SESN3: variants seen among roughly 807,000 people sequenced by gnomAD.
The protein encoded by SESN3 is sestrin 3.
In SESN3, 21 loss-of-function variants were observed where a neutral mutation model predicts 55.3. The ratio of observed to expected loss-of-function variants is 0.38; its 90% CI spans 0.27 to 0.55. SESN3 has a LOEUF of 0.55. Ranked by LOEUF, SESN3 falls within the 20% of genes least tolerant of loss-of-function variation. SESN3 has a pLI of 0.76. For missense variants in SESN3, 408 were observed against 604.3 expected, an observed-to-expected ratio of 0.68 and a Z score of 3.41; for synonymous variants, 181 against 203.1, an observed-to-expected ratio of 0.89 and a Z score of 0.93.
In SESN3 at chr11:95,175,484, A is replaced by G; in HGVS notation, c.1392+14T>C. On this transcript the variant is annotated intron_variant, in intron 9 of 9. Coordinates refer to ENST00000536441, the MANE Select transcript of SESN3 (RefSeq NM_144665.4). The stretch of plus-strand genomic sequence containing the variant: ...AACTGTCTATGGTATAATGCTTAAT[A>G]CTGAAACACGTACTTTTTCTGAGTG... 6.2e-7 allele frequency: 1 copy of G among 1,610,308 alleles called. No individual in the cohort carries two copies. The highest frequency in any genetic ancestry group is 1.3e-5 in the African/African-American group (1 of 74,966).
chr11:95,225,277 G>C (rs186910960), intron 1 of SESN3, among the ~76,000 whole-genome samples: 1 of 152,104 alleles, frequency 6.6e-6, no homozygotes, highest in Non-Finnish European at 1.5e-5. Context: ...AAAGGGTTTT[G>C]GACCCACAGG....
chr11:95,191,907 T>C (rs1365514145), intron 2 of SESN3, among the ~76,000 whole-genome samples: 2 of 152,088 alleles, frequency 1.3e-5, no homozygotes, highest in Non-Finnish European at 1.5e-5. Flanking sequence ...TCAGGGTCCA[T>C]TTGCCTGGCC....
chr11:95,213,624 G>A (rs537994776), intron 1 of SESN3, among the ~76,000 whole-genome samples: 1 of 152,036 alleles, frequency 6.6e-6, no homozygotes, highest in Admixed American at 6.6e-5. Context: ...GTAGGAGTTG[G>A]CTGAAAAAAA....
intron 6 of SESN3, among the ~76,000 whole-genome samples, chr11:95,183,178 CAGTA>C (rs1244660719): frequency 6.6e-6 from 1 of 152,092 alleles, no homozygotes; most frequent in African/African-American, 2.4e-5. Context: ...ATCAGGTACT[CAGTA>C]AGTGTTTGCA....
chr11:95,219,561 A>T (rs1860821541), intron 1 of SESN3, among the ~76,000 whole-genome samples: 1 of 152,206 alleles, frequency 6.6e-6, no homozygotes, highest in African/African-American at 2.4e-5. Flanking sequence ...ACCTTGGTCA[A>T]TACAAAGTGA....
intron 6 of SESN3, among the ~76,000 whole-genome samples, chr11:95,181,138 T>C (rs1337412935): frequency 6.6e-6 from 1 of 152,074 alleles, no homozygotes; most frequent in African/African-American, 2.4e-5. Flanking sequence ...CACAACCAAA[T>C]GGTTTCATTT....
intron 1 of SESN3, among the ~76,000 whole-genome samples, chr11:95,221,230 G>A (rs1288670441): frequency 6.6e-6 from 1 of 152,034 alleles, no homozygotes; most frequent in Non-Finnish European, 1.5e-5. Flanking sequence ...CTTGAACCCG[G>A]GAGGCGGTGG....
chr11:95,206,061 C>T (rs939596510), intron 1 of SESN3, among the ~76,000 whole-genome samples: 1 of 152,084 alleles, frequency 6.6e-6, no homozygotes, highest in Non-Finnish European at 1.5e-5. Flanking sequence ...TTGACTCATT[C>T]AAACCCACAG....
chr11:95,170,631 G>A lies in SESN3; in HGVS notation c.*2624C>T, dbSNP rs1258128643. ...AATACCACCCTGGAAAACCGCATCA[G>A]AATTTCAAGTTTGCATTGGATAAAG... On this transcript the variant is annotated 3_prime_UTR_variant, in exon 10 of 10. Coordinates refer to ENST00000536441, the MANE Select transcript of SESN3 (RefSeq NM_144665.4). 1 of 152,126 alleles carries A rather than the reference G, an allele frequency of 6.6e-6. No homozygotes were observed. The highest frequency in any genetic ancestry group is 2.4e-5 in the African/African-American group (1 of 41,432). 9.4% of individuals were successfully genotyped at this position (152,126 alleles called of 1,614,324 possible). A position where few individuals can be genotyped will look rare whatever the true frequency, so the allele number is the denominator to read the frequency against.
rs1365852761 is a variant in SESN3, at chr11:95,230,433, A to G, written c.78+350T>C. 7.7e-6 allele frequency: 2 copies of G among 258,672 alleles called. No homozygotes were observed. The highest frequency in any genetic ancestry group is 4.3e-5 in the South Asian group (1 of 23,052). The allele number at this position is 258,672 out of a possible 1,614,324, so 16.0% of individuals were successfully genotyped here. On this transcript the variant is annotated intron_variant, in intron 1 of 9. Coordinates refer to ENST00000536441, the MANE Select transcript of SESN3 (RefSeq NM_144665.4). The surrounding 1 kb of genome is among the most constrained non-coding windows in gnomAD (Gnocchi z 4.6). ...ACCTCCATCAACAGCTAAACTGCACAGGGAGGAGGATCGAACGGATCCCTC... is the reference window on the plus strand; with the variant it reads ...ACCTCCATCAACAGCTAAACTGCACGGGGAGGAGGATCGAACGGATCCCTC...
intron 3 of SESN3, among the ~76,000 whole-genome samples, chr11:95,190,445 C>T (rs1860245555): frequency 6.6e-6 from 1 of 151,918 alleles, no homozygotes; most frequent in African/African-American, 2.4e-5. Flanking sequence ...TGACCCTTTT[C>T]TTCCTATGCA....
rs187544688 is a variant in SESN3, at chr11:95,211,057, A to G, written c.79-17535T>C. ...AGATGCTCTGACACAATTATAGTGGAAAAGAATAATAAATATCCCAGATAA... is the reference window on the plus strand; with the variant it reads ...AGATGCTCTGACACAATTATAGTGGGAAAGAATAATAAATATCCCAGATAA... On this transcript the variant is annotated intron_variant, in intron 1 of 9. Coordinates refer to ENST00000536441, the MANE Select transcript of SESN3 (RefSeq NM_144665.4). 2.9e-3 allele frequency among the ~76,000 whole-genome samples: 442 copies of G among 152,348 alleles called. 4 individuals are homozygous for G. Among genetic ancestry groups the G allele is most frequent in the African/African-American group, 9.8e-3 (408 of 41,590 alleles).
chr11:95,230,922 C>T lies in SESN3; in HGVS notation c.-62G>A. 8.8e-7 allele frequency: 1 copy of T among 1,131,866 alleles called. No individual in the cohort carries two copies. The highest frequency in any genetic ancestry group is 1.6e-5 in the African/African-American group (1 of 60,984). 70.1% of individuals were successfully genotyped at this position (1,131,866 alleles called of 1,614,324 possible). A position where few individuals can be genotyped will look rare whatever the true frequency, so the allele number is the denominator to read the frequency against. On this transcript the variant is annotated 5_prime_UTR_variant, in exon 1 of 10. Transcript: ENST00000536441. The surrounding 1 kb of genome is among the most constrained non-coding windows in gnomAD (Gnocchi z 4.6). The stretch of plus-strand genomic sequence containing the variant: ...GCCGGGTCCGGGCTGTCACTGCGGC[C>T]ACTGCAGGGCCGGTCCGTCCCCCCG...
At chr11:95,210,017 CAAAAAAAAAAAAA>C (rs71036380) in intron 1 of SESN3, among the ~76,000 whole-genome samples, 19 of 60,188 alleles carry the variant, frequency 3.2e-4, no homozygotes, top group Admixed American at 1.9e-3. Flanking sequence ...AACTCCATCT[CAAAAAAAAAAAAA>C]AAAAAAAAAA....
At chr11:95,210,215 A>C (rs1312600746) in intron 1 of SESN3, among the ~76,000 whole-genome samples, 1 of 151,080 alleles carries the variant, frequency 6.6e-6, no homozygotes, top group East Asian at 1.9e-4. Flanking sequence ...CGGAGCCTGT[A>C]GGGGGTTAGG....
chr11:95,220,800 T>C lies in SESN3; in HGVS notation c.78+9983A>G, dbSNP rs145268616. Among the ~76,000 whole-genome samples, 481 of 152,310 alleles carry C rather than the reference T, an allele frequency of 3.2e-3. 4 individuals are homozygous for C. Among genetic ancestry groups the C allele is most frequent in the African/African-American group, 0.011 (456 of 41,570 alleles). ...GTTCAACCTGGTTGCAAATCCTAAG[T>C]CTGTCACTTACTGGTAATATAACCT... On this transcript the variant is annotated intron_variant, in intron 1 of 9. Coordinates refer to ENST00000536441, the MANE Select transcript of SESN3 (RefSeq NM_144665.4).
At chr11:95,219,757 A>ATTT (rs34154515) in intron 1 of SESN3, among the ~76,000 whole-genome samples, 1,965 of 150,240 alleles carry the variant, frequency 0.013, 48 homozygotes, top group African/African-American at 0.043. Flanking sequence ...ATTGAAAAAT[A>ATTT]TTTTTTTTTT....
intron 4 of SESN3, among the ~76,000 whole-genome samples, chr11:95,187,487 C>G (rs554507300): frequency 1.3e-5 from 2 of 152,044 alleles, no homozygotes; most frequent in Non-Finnish European, 2.9e-5. Context: ...TTACACATGA[C>G]CTTCCAAATG....
intron 1 of SESN3, among the ~76,000 whole-genome samples, chr11:95,209,397 AAC>A: frequency 6.6e-6 from 1 of 151,628 alleles, no homozygotes; most frequent in Middle Eastern, 3.4e-3. Flanking sequence ...GTCAGGAAAC[AAC>A]AGATGCTGGA....
Sources: gnomAD v4.1 joint callset for allele counts (sites outside exome capture counted in the v4.1 genomes callset) on GRCh38, gnomAD v4.1.1 for gene constraint, Gnocchi (gnomAD v3.1) non-coding constraint, MANE v1.5 for transcripts, NCBI Gene and HGNC (gene_info 2026-07-23, HGNC 2026-07-21) for gene names.